The following PCOLCE2 variants were observed in gnomAD, a reference collection of about 807,000 sequenced individuals.
The protein encoded by PCOLCE2 is procollagen C-endopeptidase enhancer 2.
Under a neutral mutation model 47.0 loss-of-function variants are expected in PCOLCE2, and 42 were observed. The ratio of observed to expected loss-of-function variants is 0.89; its 90% CI spans 0.70 to 1.16. The LOEUF (loss-of-function observed/expected upper bound fraction) is 1.16, where lower values mean the gene tolerates loss of function less well. Ranked by LOEUF, PCOLCE2 falls within the 50% of genes most tolerant of loss-of-function variation. The pLI is 0.00. For missense variants in PCOLCE2, 500 were observed against 526.1 expected (o/e 0.95, Z 0.49); for synonymous variants, 169 against 191.7 (o/e 0.88, Z 0.98).
At chr3:142,872,593 TA>T (rs1403060864) in intron 2 of PCOLCE2, among the ~76,000 whole-genome samples, 4 of 152,170 alleles carry the variant, frequency 2.6e-5, no homozygotes, top group Non-Finnish European at 5.9e-5. Flanking sequence ...TCGAATAAAA[TA>T]ATCTCATTGA....
chr3:142,842,459 C>T lies in PCOLCE2; in HGVS notation c.573+465G>A, dbSNP rs866646870. 1.3e-5 allele frequency among the ~76,000 whole-genome samples: 2 copies of T among 152,078 alleles called. No homozygotes were observed. Among genetic ancestry groups the T allele is most frequent in the South Asian group, 2.1e-4 (1 of 4,822 alleles). On this transcript the variant is annotated intron_variant, in intron 4 of 8. Coordinates refer to ENST00000295992, the MANE Select transcript of PCOLCE2 (RefSeq NM_013363.4). This position sits in a 1 kb window ranked among gnomAD's most constrained non-coding sequence, Gnocchi z 4.1. The stretch of plus-strand genomic sequence containing the variant: ...ACTCAAAAAAATGCAAAGGCTAGGC[C>T]GGGCACGGTGGCTCACATCTGTAAT...
chr3:142,885,882 T>G (rs1185385709), intron 2 of PCOLCE2, among the ~76,000 whole-genome samples: 1 of 152,226 alleles, frequency 6.6e-6, no homozygotes, highest in Non-Finnish European at 1.5e-5. Context: ...CTCTTCCCAC[T>G]GTCCCCTTGC....
chr3:142,847,685 T>A (rs1937342271), intron 3 of PCOLCE2, among the ~76,000 whole-genome samples: 1 of 152,168 alleles, frequency 6.6e-6, no homozygotes, highest in Non-Finnish European at 1.5e-5. Context: ...AACAGGTGTG[T>A]GCCACCACAC....
chr3:142,841,253 A>G (rs1937262152), intron 4 of PCOLCE2, among the ~76,000 whole-genome samples: 1 of 152,212 alleles, frequency 6.6e-6, no homozygotes, highest in Admixed American at 6.5e-5. Context: ...GAAACTATTT[A>G]GGACTTAATT....
intron 2 of PCOLCE2, among the ~76,000 whole-genome samples, chr3:142,853,338 A>C (rs1048328402): frequency 6.6e-6 from 1 of 151,892 alleles, no homozygotes; most frequent in Non-Finnish European, 1.5e-5. Context: ...ACACCCCCAA[A>C]CCCGAAGGTG....
intron 2 of PCOLCE2, among the ~76,000 whole-genome samples, chr3:142,851,951 T>C (rs189519580): frequency 1.5e-4 from 23 of 152,324 alleles, no homozygotes; most frequent in African/African-American, 5.5e-4. Context: ...TTCCCAAAAG[T>C]TTTGTACCTG....
At position 142,842,973 on chromosome 3, in the gene PCOLCE2, T is replaced by C; in HGVS notation, c.524A>G (p.Tyr175Cys). ...CCACACACAAGTGACTCCTGCAGGGTAATCCCGGTCTGGCCAGTTGGGGGT... is the reference window on the plus strand; with the variant it reads ...CCACACACAAGTGACTCCTGCAGGGCAATCCCGGTCTGGCCAGTTGGGGGT... The part of the protein sequence containing the change: ...FKTPNWPDRD[Y>C]PAGVTCVWHI... Residue 175 changes from tyrosine (Y) to cysteine (C), a missense_variant, in exon 4 of 9, where the codon TAC (tyrosine) becomes TGC (cysteine). Coordinates refer to ENST00000295992, the MANE Select transcript of PCOLCE2 (RefSeq NM_013363.4). The surrounding 1 kb of genome is among the most constrained non-coding windows in gnomAD (Gnocchi z 4.1). 1 of 1,613,928 alleles carries C rather than the reference T, an allele frequency of 6.2e-7. No homozygotes were observed.
At chr3:142,879,779 C>T (rs1408607526) in intron 2 of PCOLCE2, among the ~76,000 whole-genome samples, 1 of 151,888 alleles carries the variant, frequency 6.6e-6, no homozygotes, top group Non-Finnish European at 1.5e-5. Flanking sequence ...ACCATCCTGG[C>T]TAACACGGTG....
intron 3 of PCOLCE2, among the ~76,000 whole-genome samples, chr3:142,845,119 T>C (rs569332830): frequency 9.8e-5 from 15 of 152,336 alleles, no homozygotes; most frequent in African/African-American, 3.4e-4. Context: ...TTTTATTCCA[T>C]CTGTTTTTCC....
chr3:142,818,527 G>T, intron 8 of PCOLCE2, 62 bp from the exon 9 acceptor site: 2 of 1,198,438 alleles, frequency 1.7e-6, no homozygotes, highest in Non-Finnish European at 2.5e-6. Flanking sequence ...AAACAACTTA[G>T]ACTGTAAGTT....
chr3:142,881,220 T>C (rs1360371335), intron 2 of PCOLCE2, among the ~76,000 whole-genome samples: 2 of 152,124 alleles, frequency 1.3e-5, no homozygotes, highest in African/African-American at 4.8e-5. Flanking sequence ...TATCCCTGAG[T>C]CAGAAAGTTG....
chr3:142,852,223 TC>T (rs1388190656), intron 2 of PCOLCE2, among the ~76,000 whole-genome samples: 5 of 152,068 alleles, frequency 3.3e-5, no homozygotes, highest in African/African-American at 1.2e-4. Context: ...TGACACAACA[TC>T]CGTTCTTCAT....
At chr3:142,861,091 A>G (rs1451865416) in intron 2 of PCOLCE2, among the ~76,000 whole-genome samples, 1 of 152,248 alleles carries the variant, frequency 6.6e-6, no homozygotes, top group Non-Finnish European at 1.5e-5. Context: ...TCTGTACTCA[A>G]CACTTGTCTG....
intron 4 of PCOLCE2, among the ~76,000 whole-genome samples, chr3:142,840,416 C>T (rs1029023584): frequency 4.6e-5 from 7 of 152,154 alleles, no homozygotes; most frequent in Non-Finnish European, 5.9e-5. Flanking sequence ...CAGCTGGTAC[C>T]CAATCTTGCC....
intron 2 of PCOLCE2, among the ~76,000 whole-genome samples, chr3:142,851,349 C>T (rs901255632): frequency 5.9e-5 from 9 of 152,114 alleles, no homozygotes; most frequent in African/African-American, 9.7e-5. Context: ...CATTCAGCTC[C>T]GTGGGCAAAG....
intron 6 of PCOLCE2, among the ~76,000 whole-genome samples, 180 bp downstream of exon 6, chr3:142,829,512 C>T (rs11918617): frequency 0.46 from 69,582 of 152,022 alleles, 16,489 homozygotes; most frequent in African/African-American, 0.53. Context: ...TATTAGCTTA[C>T]AAGCATTCTT....
intron 1 of PCOLCE2, 51 bp downstream of exon 1, chr3:142,888,763 G>T: frequency 9.1e-7 from 1 of 1,101,026 alleles, no homozygotes; most frequent in Non-Finnish European, 1.3e-6. Context: ...AGGCTGCAGG[G>T]GTGGAGGAAG....
chr3:142,837,597 A>G (rs190875052), intron 5 of PCOLCE2, among the ~76,000 whole-genome samples: 15 of 152,372 alleles, frequency 9.8e-5, no homozygotes, highest in African/African-American at 3.6e-4. Flanking sequence ...TTAAATTGGC[A>G]TAATGGTGAC....
At chr3:142,854,241 C>G (rs1383435826) in intron 2 of PCOLCE2, among the ~76,000 whole-genome samples, 3 of 152,022 alleles carry the variant, frequency 2.0e-5, no homozygotes, top group African/African-American at 7.2e-5. Flanking sequence ...TTCTAATCTT[C>G]TACGATTTCC....
Sources: allele counts gnomAD v4.1 joint callset (sites outside exome capture counted in the v4.1 genomes callset), GRCh38; gene constraint gnomAD v4.1.1; non-coding constraint Gnocchi (gnomAD v3.1); transcripts MANE v1.5; gene names NCBI Gene and HGNC (gene_info 2026-07-23, HGNC 2026-07-21).